Variants in NDE1 observed in about 807,000 individuals in gnomAD.
NDE1 encodes nuclear distribution protein nudE homolog 1.
A neutral mutation model predicts 43.4 loss-of-function variants in NDE1; 28 were observed. That is an observed-to-expected ratio of 0.65 (90% CI 0.48 to 0.89). The LOEUF is 0.89. NDE1 is among the 40% of genes least tolerant of loss of function. The probability of loss-of-function intolerance (pLI) is 0.00; values close to 1 mark genes in which losing one functional copy is unlikely to be tolerated. For missense variants in NDE1, 441 were observed against 434.1 expected (o/e 1.02, Z -0.14); for synonymous variants, 184 against 172.0 (o/e 1.07, Z -0.55).
At chr16:15,657,631 G>A (rs940939745) in intron 1 of NDE1, among the ~76,000 whole-genome samples, 2 of 151,996 alleles carry the variant, frequency 1.3e-5, no homozygotes, top group Non-Finnish European at 2.9e-5. Context: ...TTGTTCTGTC[G>A]CCCAGGCTGG....
chr16:15,686,995 T>C (rs2038470496), intron 4 of NDE1: 1 of 985,182 alleles, frequency 1.0e-6, no homozygotes, highest in Admixed American at 6.2e-5. Flanking sequence ...CCTTGCCCAG[T>C]CATATTAGGT....
intron 8 of NDE1, among the ~76,000 whole-genome samples, chr16:15,712,505 A>C (rs553335751): frequency 6.2e-4 from 95 of 152,076 alleles, no homozygotes; most frequent in Admixed American, 2.0e-3. Context: ...AAAATAGGCC[A>C]AAAATAGCTT....
chr16:15,668,864 G>A (rs766547362), intron 3 of NDE1, among the ~76,000 whole-genome samples: 11 of 152,100 alleles, frequency 7.2e-5, no homozygotes, highest in Non-Finnish European at 1.3e-4. Flanking sequence ...ATCCTCCGTT[G>A]GGAGGGACTG....
rs868471241 is a variant in NDE1, at chr16:15,719,157, G to A, written c.948-5034G>A. The A allele has an allele frequency of 3.8e-5, 56 of 1,487,176 alleles. 1 individual carries two copies. The Middle Eastern group carries it at 1.5e-3, about 41-fold the overall frequency. 92.1% of individuals were successfully genotyped at this position (1,487,176 alleles called of 1,614,324 possible). Reference sequence around the variant, plus strand: ...AAATTTAAAAAATAAAATGGGGGTCGAGGATGCTGCCTGTCCCCCCATCCT... The same window carrying A: ...AAATTTAAAAAATAAAATGGGGGTCAAGGATGCTGCCTGTCCCCCCATCCT... On this transcript the variant is annotated intron_variant, in intron 8 of 8. Transcript: ENST00000396354.
chr16:15,661,289 C>T (rs1337099888), intron 1 of NDE1, among the ~76,000 whole-genome samples: 2 of 151,918 alleles, frequency 1.3e-5, no homozygotes, highest in African/African-American at 4.8e-5. Context: ...GCTGGGACTA[C>T]AGGCACCCGC....
intron 8 of NDE1, among the ~76,000 whole-genome samples, chr16:15,700,868 A>C (rs1053326100): frequency 6.6e-6 from 1 of 152,158 alleles, no homozygotes; most frequent in South Asian, 2.1e-4. Context: ...TTCCAGAACA[A>C]AATCTCCCAG....
chr16:15,724,915 G>A lies in NDE1; in HGVS notation c.*664G>A, dbSNP rs2040674524. The A allele has an allele frequency of 6.2e-7, 1 of 1,613,996 alleles. No individual in the cohort carries two copies. The highest frequency in any genetic ancestry group is 8.5e-7 in the Non-Finnish European group (1 of 1,180,046). ...GGGTGTCCTGGAGCTGGGAACTGAGGGACGCCACGTCCTTGGCCAGCTTAA... is the reference window on the plus strand; with the variant it reads ...GGGTGTCCTGGAGCTGGGAACTGAGAGACGCCACGTCCTTGGCCAGCTTAA... On this transcript the variant is annotated 3_prime_UTR_variant, in exon 9 of 9. Coordinates refer to ENST00000396354, the MANE Select transcript of NDE1 (RefSeq NM_017668.3).
intron 8 of NDE1, chr16:15,720,761 A>G: frequency 1.4e-6 from 2 of 1,473,260 alleles, no homozygotes; most frequent in Non-Finnish European, 1.9e-6. Context: ...CGAAGTTTCC[A>G]CACCAACCAT....
At chr16:15,708,955 C>CT (rs772767049) in intron 8 of NDE1, 15 of 1,145,850 alleles carry the variant, frequency 1.3e-5, no homozygotes, top group African/African-American at 6.2e-5. Flanking sequence ...TAAAGGCACT[C>CT]TTTTTTATTT....
upstream of NDE1, among the ~76,000 whole-genome samples, chr16:15,645,746 A>T (rs1465337056): frequency 6.6e-6 from 1 of 152,218 alleles, no homozygotes. Flanking sequence ...TCCCTTGTCC[A>T]AATTATAGTC....
chr16:15,724,287 G>A lies in NDE1; in HGVS notation c.*36G>A, dbSNP rs138573101. The A allele has an allele frequency of 4.3e-4, 691 of 1,614,148 alleles. 1 individual carries two copies. The African/African-American group carries it at 7.9e-3, about 19-fold the overall frequency. On this transcript the variant is annotated 3_prime_UTR_variant, in exon 9 of 9. Transcript: ENST00000396354. ...TGGTCTTTTCCAGTTTATCATAAGC[G>A]GCCGCCTTCTCCTCGTACTGCTGGG... is the stretch of plus-strand genomic sequence containing the variant.
intron 4 of NDE1, chr16:15,686,377 T>G: frequency 5.1e-6 from 5 of 985,346 alleles, no homozygotes; most frequent in Non-Finnish European, 6.0e-6. Flanking sequence ...TATAACAGAT[T>G]GTTTTCTTAC....
chr16:15,705,841 C>T (rs367651003), intron 8 of NDE1, among the ~76,000 whole-genome samples: 2 of 151,752 alleles, frequency 1.3e-5, no homozygotes, highest in Non-Finnish European at 2.9e-5. Flanking sequence ...ATTAGCCGGG[C>T]GTGCTGGCGG....
At chr16:15,660,474 T>TAA (rs34754504) in intron 1 of NDE1, among the ~76,000 whole-genome samples, 4 of 150,382 alleles carry the variant, frequency 2.7e-5, no homozygotes, top group African/African-American at 9.7e-5. Context: ...CCCTATCTCT[T>TAA]AAAAAAAAAA....
Position 15,687,487 on chromosome 16 carries a change from C to T in NDE1, c.499C>T (p.Gln167Ter). 1.9e-6 allele frequency: 3 copies of T among 1,614,126 alleles called. No individual in the cohort carries two copies. Among genetic ancestry groups the T allele is most frequent in the South Asian group, 1.1e-5 (1 of 91,078 alleles). The change falls in exon 5 of 9, where the codon CAG (glutamine) becomes TAG (stop). Residue 167 changes from glutamine to a stop codon, truncating the protein, a stop_gained. Transcript: ENST00000396354. LOFTEE classifies it high-confidence loss of function. ...AAAAGAGAATCTCCTGGAATCTGTT[C>T]AGAGACTGAAGGATGAAGCCAGAGG... ...DEKENLLESV[Q>*]RLKDEARDLR...
At chr16:15,664,127 AC>A (rs2151434023) in intron 1 of NDE1, among the ~76,000 whole-genome samples, 1 of 151,358 alleles carries the variant, frequency 6.6e-6, no homozygotes, top group South Asian at 2.1e-4. Context: ...CCACTCCCCC[AC>A]TCCCTCCACC....
rs751062983 is a variant in NDE1 at position 15,724,811 on chromosome 16, A to G, written c.*560A>G. ...TCTTGAAGCAGCTCCTGCAAAAGGG[A>G]TGCAAAGAGGTCCCAGGGACCTGCC... On this transcript the variant is annotated 3_prime_UTR_variant, in exon 9 of 9. Coordinates refer to ENST00000396354, the MANE Select transcript of NDE1 (RefSeq NM_017668.3). 6.2e-7 allele frequency: 1 copy of G among 1,613,756 alleles called. No individual in the cohort carries two copies. Among genetic ancestry groups the G allele is most frequent in the East Asian group, 2.2e-5 (1 of 44,862 alleles).
rs1242915320 is a variant in NDE1, at chr16:15,720,155, A to T, written c.948-4036A>T. 7.4e-6 allele frequency: 12 copies of T among 1,613,900 alleles called. No homozygotes were observed. The highest frequency in any genetic ancestry group is 4.0e-5 in the African/African-American group (3 of 74,882). On this transcript the variant is annotated intron_variant, in intron 8 of 8. Coordinates refer to ENST00000396354, the MANE Select transcript of NDE1 (RefSeq NM_017668.3). ...CAAGCTCCTAGTGTCACCCACCTGC[A>T]GTTTGCGTAGCTGCTTGATGGCTTC...
chr16:15,698,317 A>T (rs370790253), intron 8 of NDE1, among the ~76,000 whole-genome samples: 2 of 151,756 alleles, frequency 1.3e-5, no homozygotes, highest in East Asian at 3.9e-4. Context: ...GGATCAATTG[A>T]GCTCTGGAGG....
Sources: gnomAD v4.1 joint callset for allele counts (sites outside exome capture counted in the v4.1 genomes callset) on GRCh38, gnomAD v4.1.1 for gene constraint, MANE v1.5 for transcripts, NCBI Gene and HGNC (gene_info 2026-07-23, HGNC 2026-07-21) for gene names.